The following CCDC40 variants were observed in gnomAD, a reference collection of about 807,000 sequenced individuals.
The protein encoded by CCDC40 is coiled-coil domain-containing protein 40.
A neutral mutation model predicts 124.5 loss-of-function variants in CCDC40; 104 were observed. The observed-to-expected ratio is 0.84, with a 90% confidence interval of 0.71 to 0.98. CCDC40 has a LOEUF of 0.98. Ranked by LOEUF, CCDC40 falls within the 50% of genes least tolerant of loss-of-function variation. The probability of loss-of-function intolerance (pLI) is 0.00; values close to 1 mark genes in which losing one functional copy is unlikely to be tolerated. For missense variants in CCDC40, 1,463 were observed against 1,503.9 expected (o/e 0.97, Z 0.45); for synonymous variants, 580 against 602.9 (o/e 0.96, Z 0.56).
chr17:80,045,689 G>A (rs1314153238), intron 3 of CCDC40, among the ~76,000 whole-genome samples: 1 of 152,038 alleles, frequency 6.6e-6, no homozygotes, highest in East Asian at 1.9e-4. Flanking sequence ...GGGCGACAGA[G>A]CGAGAGTCCA....
intron 7 of CCDC40, among the ~76,000 whole-genome samples, chr17:80,056,918 G>A (rs546615852): frequency 6.0e-5 from 9 of 151,184 alleles, no homozygotes; most frequent in African/African-American, 2.2e-4. Flanking sequence ...GCGGGCACCT[G>A]TGGTCCCAGC....
chr17:80,043,635 T>A (rs1281298145), intron 3 of CCDC40, among the ~76,000 whole-genome samples: 1 of 139,144 alleles, frequency 7.2e-6, no homozygotes, highest in Non-Finnish European at 1.5e-5. Context: ...TGAAACAGAG[T>A]CTTGCCCAGG....
chr17:80,041,363 C>T (rs1230959046), intron 3 of CCDC40, among the ~76,000 whole-genome samples: 1 of 152,072 alleles, frequency 6.6e-6, no homozygotes, highest in African/African-American at 2.4e-5. Context: ...CAAAAATTAG[C>T]TGGACGTGGT....
chr17:80,049,987 C>T lies in CCDC40; in HGVS notation c.937C>T (p.Leu313=), dbSNP rs750497354. ...IEKLKLDLQE[L]VVATKQSRAQ... ...AAAGTTGAAGCTGGACCTCCAAGAG[C>T]TGGTGTGTATCCGTCCAGTCTCCCA... Residue 313 remains leucine, a splice_region_variant and synonymous_variant, in exon 6 of 20, where the codon CTG becomes TTG. Transcript: ENST00000397545. 7 of 1,613,994 alleles carry T rather than the reference C, an allele frequency of 4.3e-6. No individual in the cohort carries two copies. Among genetic ancestry groups the T allele is most frequent in the Non-Finnish European group, 5.9e-6 (7 of 1,179,918 alleles).
chr17:80,081,963 A>G lies in CCDC40; in HGVS notation c.1894A>G (p.Ile632Val), dbSNP rs770932464. 1 of 1,613,952 alleles carries G rather than the reference A, an allele frequency of 6.2e-7. No homozygotes were observed. The highest frequency in any genetic ancestry group is 2.2e-5 in the East Asian group (1 of 44,760). Residue 632 changes from isoleucine (I) to valine (V), a missense_variant, in exon 12 of 20, where the codon ATC (isoleucine) becomes GTC (valine). Coordinates refer to ENST00000397545, the MANE Select transcript of CCDC40 (RefSeq NM_017950.4). ...GCTCAGGAGGAAGACGGATGCTGCC[A>G]TCCGGGAGAAGCTGCAGGAGCACAT... is the stretch of plus-strand genomic sequence containing the variant. ...LELRRKTDAA[I>V]REKLQEHMTS...
intron 7 of CCDC40, among the ~76,000 whole-genome samples, chr17:80,056,325 A>C (rs1405969155): frequency 6.6e-6 from 1 of 152,026 alleles, no homozygotes; most frequent in East Asian, 1.9e-4. Context: ...ACCTCAAAAC[A>C]AAAAGCACCT....
rs1568694583 is a variant in CCDC40, at chr17:80,068,701, A to G, written c.1562+3095A>G. On this transcript the variant is annotated intron_variant, in intron 10 of 19. Coordinates refer to ENST00000397545, the MANE Select transcript of CCDC40 (RefSeq NM_017950.4). ...ATGGGGCAGGACCCCCTGGCCCAGA[A>G]GCTTGGTTTTGCCATCACACCGAGA... 2.0e-5 allele frequency among the ~76,000 whole-genome samples: 3 copies of G among 151,962 alleles called. No homozygotes were observed. The South Asian group carries it at 6.2e-4, about 32-fold the overall frequency.
Position 80,053,168 on chromosome 17 carries a change from G to C in CCDC40, c.1159+2885G>C, listed in dbSNP as rs547336703. Among the ~76,000 whole-genome samples the C allele has an allele frequency of 4.6e-5, 7 of 152,318 alleles. No homozygotes were observed. The South Asian group carries it at 1.4e-3, about 32-fold the overall frequency. On this transcript the variant is annotated intron_variant, in intron 7 of 19. Transcript: ENST00000397545. ...ACAGATGCGTGAGTTCAGGAAAGAC[G>C]AATCTGCAGATAGAAAGACTCGTGA... is the stretch of plus-strand genomic sequence containing the variant.
intron 4 of CCDC40, 91 bp downstream of exon 4, chr17:80,047,493 G>C: frequency 1.5e-6 from 2 of 1,366,634 alleles, no homozygotes; most frequent in Non-Finnish European, 2.0e-6. Context: ...TTTGTCATCC[G>C]TTACCTGTTT....
In CCDC40 at chr17:80,057,594, T is replaced by C. The variant is rs188877094; in HGVS notation, c.1160-900T>C. Among the ~76,000 whole-genome samples, 28 of 151,274 alleles carry C rather than the reference T, an allele frequency of 1.9e-4. No homozygotes were observed. In the East Asian group the frequency reaches 4.2e-3, roughly 23 times the overall value. ...ACTCCAGCTTTAGAAATCCATCTCA[T>C]GGCCGGGCGCGGTGGCTCATGCCTG... On this transcript the variant is annotated intron_variant, in intron 7 of 19. Coordinates refer to ENST00000397545, the MANE Select transcript of CCDC40 (RefSeq NM_017950.4).
intron 1 of CCDC40, among the ~76,000 whole-genome samples, chr17:80,037,688 A>AAAAAAAAAATATATATATATATAT: frequency 1.1e-4 from 5 of 45,676 alleles, no homozygotes; most frequent in Admixed American, 2.4e-4. Context: ...TTTTTTAAAA[A>AAAAAAAAAATATATATATATATAT]AGATATACAT....
Position 80,050,233 on chromosome 17 carries a change from G to A in CCDC40, c.1109G>A (p.Arg370His), listed in dbSNP as rs77027689. 7.1e-5 allele frequency: 114 copies of A among 1,598,254 alleles called. No individual in the cohort carries two copies. Among genetic ancestry groups the A allele is most frequent in the African/African-American group, 5.9e-4 (44 of 74,380 alleles). Residue 370 changes from arginine to histidine, a missense_variant, in exon 7 of 20, where the codon CGC becomes CAC. Coordinates refer to ENST00000397545, the MANE Select transcript of CCDC40 (RefSeq NM_017950.4). ...RQKEEELQAA[R>H]ALYTKTCAAA... ...AAGGAGGAGGAGCTGCAGGCCGCCC[G>A]CGCTCTCTACACCAAGACCTGCGCA...
At chr17:80,097,548 C>T (rs559170750) in intron 19 of CCDC40, 145 bp downstream of exon 19, 8 of 723,570 alleles carry the variant, frequency 1.1e-5, no homozygotes, top group East Asian at 2.7e-5. Context: ...ATAGCACCAC[C>T]GGCTGCTCAC....
chr17:80,043,948 C>G (rs578228416), intron 3 of CCDC40, among the ~76,000 whole-genome samples: 1 of 152,170 alleles, frequency 6.6e-6, no homozygotes, highest in African/African-American at 2.4e-5. Context: ...CTTGGCTGCC[C>G]CCTACTCCCA....
At chr17:80,044,440 T>C (rs2037360863) in intron 3 of CCDC40, among the ~76,000 whole-genome samples, 1 of 152,030 alleles carries the variant, frequency 6.6e-6, no homozygotes, top group African/African-American at 2.4e-5. Flanking sequence ...TCCCAGCACT[T>C]TGGGAGGCCG....
chr17:80,086,235 G>A lies in CCDC40; in HGVS notation c.2449+19G>A, dbSNP rs537011469. The A allele has an allele frequency of 7.1e-5, 111 of 1,566,276 alleles. 1 individual carries two copies. Among genetic ancestry groups the A allele is most frequent in the Middle Eastern group, 6.0e-4 (3 of 4,974 alleles). The stretch of plus-strand genomic sequence containing the variant: ...GTAGAAAGTAAGAGCCGCCGTGCCC[G>A]GCCCTGCAGTGATGCTGAGACGAGC... On this transcript the variant is annotated intron_variant, in intron 14 of 19. Transcript: ENST00000397545. The surrounding 1 kb of genome is among the most constrained non-coding windows in gnomAD (Gnocchi z 5.5).
At chr17:80,091,330 C>CAG (rs2038717895) in intron 17 of CCDC40, among the ~76,000 whole-genome samples, 1 of 65,746 alleles carries the variant, frequency 1.5e-5, no homozygotes, top group South Asian at 3.9e-4. Flanking sequence ...CACACACACA[C>CAG]ACACACACAC....
chr17:80,090,958 C>A, intron 17 of CCDC40: 1 of 389,346 alleles, frequency 2.6e-6, no homozygotes, highest in Non-Finnish European at 3.8e-6. Context: ...ACAAGCTCTC[C>A]TCCACAGAGT....
At chr17:80,083,989 G>C (rs2038519733) in intron 12 of CCDC40, among the ~76,000 whole-genome samples, 1 of 152,202 alleles carries the variant, frequency 6.6e-6, no homozygotes, top group Admixed American at 6.5e-5. Context: ...TTTTATTTTG[G>C]AGAATTATAT....
Sources: allele counts gnomAD v4.1 joint callset (sites outside exome capture counted in the v4.1 genomes callset), GRCh38; gene constraint gnomAD v4.1.1; non-coding constraint Gnocchi (gnomAD v3.1); transcripts MANE v1.5; gene names NCBI Gene and HGNC (gene_info 2026-07-23, HGNC 2026-07-21).